Variants in CERK observed in about 807,000 individuals in gnomAD.
CERK encodes the protein ceramide kinase.
Under a neutral mutation model 63.4 loss-of-function variants are expected in CERK, and 39 were observed. That is an observed-to-expected ratio of 0.61 (90% CI 0.48 to 0.80). CERK has a LOEUF of 0.80. Ranked by LOEUF, CERK falls within the 30% of genes least tolerant of loss-of-function variation. CERK has a pLI of 0.00. For synonymous variants in CERK, 302 were observed against 280.0 expected, an observed-to-expected ratio of 1.08 and a Z score of -0.78; for missense variants, 670 against 714.1, an observed-to-expected ratio of 0.94 and a Z score of 0.70.
chr22:46,711,228 T>A, intron 4 of CERK, 79 bp from the exon 5 acceptor site: 1 of 1,064,584 alleles, frequency 9.4e-7, no homozygotes, highest in Non-Finnish European at 1.5e-6. Context: ...TCCATTCTTT[T>A]AAAATGAGTT....
Position 46,714,069 on chromosome 22 carries a change from G to A in CERK, c.380-1776C>T, listed in dbSNP as rs944695263. 3.9e-5 allele frequency among the ~76,000 whole-genome samples: 6 copies of A among 152,232 alleles called. No individual in the cohort carries two copies. In the South Asian group the frequency reaches 6.2e-4, roughly 16 times the overall value. ...GCAGATCACTTGAGGTCAGGTGTTT[G>A]AAACCAGCCTGGGCAACATGGTGAA... On this transcript the variant is annotated intron_variant, in intron 3 of 12. Transcript: ENST00000216264. The surrounding 1 kb of genome is among the most constrained non-coding windows in gnomAD (Gnocchi z 4.4).
intron 10 of CERK, among the ~76,000 whole-genome samples, chr22:46,692,426 T>TAAAAAAAAAAA (rs553286743): frequency 6.4e-5 from 6 of 93,104 alleles, no homozygotes; most frequent in African/African-American, 2.9e-4. Flanking sequence ...AACTCTGTCT[T>TAAAAAAAAAAA]AAAAAAAAAA....
intron 11 of CERK, among the ~76,000 whole-genome samples, chr22:46,690,520 C>T (rs991016317): frequency 8.5e-5 from 13 of 152,206 alleles, no homozygotes; most frequent in East Asian, 1.9e-4. Flanking sequence ...TCTACAATGA[C>T]GAACGCTTTT....
chr22:46,699,201 G>T, intron 8 of CERK, 112 bp downstream of exon 8: 1 of 1,101,214 alleles, frequency 9.1e-7, no homozygotes, highest in Non-Finnish European at 1.4e-6. Flanking sequence ...TCCCGTCTGT[G>T]AGCAGGTGGG....
rs779486682 is a variant in CERK, at chr22:46,690,173, G to A, written c.1360C>T (p.Arg454Cys). The A allele has an allele frequency of 2.5e-5, 41 of 1,613,764 alleles. 1 individual carries two copies. The Middle Eastern group carries it at 8.2e-4, about 32-fold the overall frequency. Residue 454 changes from arginine to cysteine, a missense_variant, in exon 12 of 13, where the codon CGC (arginine) becomes TGC (cysteine). Coordinates refer to ENST00000216264, the MANE Select transcript of CERK (RefSeq NM_022766.6). ...QFDFTFVEVYRVKKFQFTSKH... is the reference protein window; with the variant it reads ...QFDFTFVEVYCVKKFQFTSKH... The stretch of plus-strand genomic sequence containing the variant: ...GACGTAAACTGGAATTTCTTGACGC[G>A]ATAAACTTCAACAAAAGTGAAGTCA...
intron 6 of CERK, among the ~76,000 whole-genome samples, chr22:46,702,933 G>A (rs370620099): frequency 3.9e-5 from 6 of 152,130 alleles, no homozygotes; most frequent in African/African-American, 1.2e-4. Context: ...TCATCCACCC[G>A]GCCAGCACTG....
rs187707170 is a variant in CERK, at chr22:46,721,305, T to A, written c.143-290A>T. ...AAAAGATATACATATATATATATATTTTTTTGAGACAGAGTCTCACGCTGT... is the reference window on the plus strand; with the variant it reads ...AAAAGATATACATATATATATATATATTTTTGAGACAGAGTCTCACGCTGT... On this transcript the variant is annotated intron_variant, in intron 1 of 12. Transcript: ENST00000216264. 2.2e-3 allele frequency among the ~76,000 whole-genome samples: 336 copies of A among 149,652 alleles called. 5 individuals are homozygous for A. The highest frequency in any genetic ancestry group is 7.1e-3 in the African/African-American group (280 of 39,292).
At position 46,686,634 on chromosome 22, in the gene CERK, G is replaced by A. The variant is rs996166536; in HGVS notation, c.*500C>T. 5 of 168,140 alleles carry A rather than the reference G, an allele frequency of 3.0e-5. No homozygotes were observed. The highest frequency in any genetic ancestry group is 2.2e-4 in the Admixed American group (4 of 18,106). The allele number at this position is 168,140 out of a possible 1,614,324, so 10.4% of individuals were successfully genotyped here. ...CACAGTATTGTAAGGATCAAGCAGC[G>A]ATGTCCTAACCGTAAACGAAGAGGA... On this transcript the variant is annotated 3_prime_UTR_variant, in exon 13 of 13. Coordinates refer to ENST00000216264, the MANE Select transcript of CERK (RefSeq NM_022766.6).
intron 3 of CERK, among the ~76,000 whole-genome samples, chr22:46,717,509 C>T (rs1321309335): frequency 6.6e-6 from 1 of 152,232 alleles, no homozygotes; most frequent in Non-Finnish European, 1.5e-5. Flanking sequence ...CTACTCGCCA[C>T]CACGGTGGAA....
At chr22:46,705,227 G>T (rs965401397) in intron 6 of CERK, among the ~76,000 whole-genome samples, 1 of 152,202 alleles carries the variant, frequency 6.6e-6, no homozygotes, top group African/African-American at 2.4e-5. Context: ...GGTCCTTCAC[G>T]AGTGTGGAAG....
chr22:46,738,098 CT>C lies in CERK; in HGVS notation c.50del (p.Lys17SerfsTer7). On this transcript the variant is annotated frameshift_variant, in exon 1 of 13. Coordinates refer to ENST00000216264, the MANE Select transcript of CERK (RefSeq NM_022766.6). LOFTEE classifies it high-confidence loss of function. ...CCAGGCTCACGGCGCAGCGCTGCTGCTTCACCCACAGCACGGATTGCAGCGG... is the reference window on the plus strand; with the variant it reads ...CCAGGCTCACGGCGCAGCGCTGCTGCTCACCCACAGCACGGATTGCAGCGG... The part of the protein sequence containing the change: ...AEPLQSVLWV[K>X]QQRCAVSLEP... The C allele has an allele frequency of 7.8e-7, 1 of 1,288,432 alleles. No individual in the cohort carries two copies. Among genetic ancestry groups the C allele is most frequent in the South Asian group, 1.9e-5 (1 of 53,642 alleles). 79.8% of individuals were successfully genotyped at this position (1,288,432 alleles called of 1,614,324 possible). A position where few individuals can be genotyped will look rare whatever the true frequency, so the allele number is the denominator to read the frequency against.
intron 9 of CERK, among the ~76,000 whole-genome samples, chr22:46,694,984 C>A (rs1018732313): frequency 6.6e-6 from 1 of 152,370 alleles, no homozygotes; most frequent in Middle Eastern, 3.4e-3. Flanking sequence ...GAGTCCTCAT[C>A]CCTGGCACAG....
chr22:46,691,050 CATACAT>C (rs1569318307), intron 11 of CERK, among the ~76,000 whole-genome samples: 324 of 112,922 alleles, frequency 2.9e-3, no homozygotes, highest in African/African-American at 0.012. Context: ...CACATGTATA[CATACAT>C]ACACACACAC....
chr22:46,703,995 T>C (rs924374337), intron 6 of CERK, among the ~76,000 whole-genome samples: 10 of 152,082 alleles, frequency 6.6e-5, no homozygotes, highest in Non-Finnish European at 1.3e-4. Flanking sequence ...TGGACACCCA[T>C]GGAAAGGGGC....
intron 6 of CERK, among the ~76,000 whole-genome samples, chr22:46,702,163 G>C (rs1470487133): frequency 8.1e-6 from 1 of 122,928 alleles, no homozygotes; most frequent in Admixed American, 9.4e-5. Flanking sequence ...GGGCAACAGA[G>C]TGAGACTTCG....
chr22:46,708,665 T>C lies in CERK; in HGVS notation c.570-677A>G, dbSNP rs370791113. Reference sequence around the variant, plus strand: ...GGGTTGGTTTCAGGGTGTGCTGTCCTATGCCGGGGGTAACCCACAGGGAAC... The same window carrying C: ...GGGTTGGTTTCAGGGTGTGCTGTCCCATGCCGGGGGTAACCCACAGGGAAC... On this transcript the variant is annotated intron_variant, in intron 5 of 12. Transcript: ENST00000216264. Among the ~76,000 whole-genome samples the C allele has an allele frequency of 5.3e-5, 8 of 152,268 alleles. No homozygotes were observed. In the East Asian group the frequency reaches 1.5e-3, roughly 29 times the overall value.
intron 6 of CERK, among the ~76,000 whole-genome samples, chr22:46,705,309 G>C (rs2082807662): frequency 6.6e-6 from 1 of 152,204 alleles, no homozygotes; most frequent in South Asian, 2.1e-4. Flanking sequence ...ACGGTGCCTT[G>C]ATCTCAGGCA....
At chr22:46,701,486 G>C (rs1366533478) in intron 7 of CERK, 150 bp downstream of exon 7, 15 of 630,146 alleles carry the variant, frequency 2.4e-5, no homozygotes, top group Non-Finnish European at 2.7e-6. Context: ...TGGGATCACA[G>C]CGCAGCGAGC....
intron 3 of CERK, among the ~76,000 whole-genome samples, chr22:46,716,802 C>T (rs1441595745): frequency 2.0e-5 from 3 of 151,844 alleles, no homozygotes; most frequent in South Asian, 2.1e-4. Flanking sequence ...ACTAGCCAGG[C>T]GTGGTGGCAC....
Sources: allele counts gnomAD v4.1 joint callset (sites outside exome capture counted in the v4.1 genomes callset), GRCh38; gene constraint gnomAD v4.1.1; non-coding constraint Gnocchi (gnomAD v3.1); transcripts MANE v1.5; gene names NCBI Gene and HGNC (gene_info 2026-07-23, HGNC 2026-07-21).